CDH7: variants seen among roughly 807,000 people sequenced by gnomAD.
CDH7 encodes cadherin-7.
Under a neutral mutation model 71.8 loss-of-function variants are expected in CDH7, and 25 were observed. That is an observed-to-expected ratio of 0.35 (90% CI 0.25 to 0.49). CDH7 has a LOEUF of 0.49. CDH7 is among the 20% of genes least tolerant of loss of function. CDH7 has a pLI of 0.99. For missense variants in CDH7, 862 were observed against 974.6 expected (o/e 0.88, Z 1.54); for synonymous variants, 381 against 363.8 (o/e 1.05, Z -0.54).
At chr18:65,853,914 T>TATATATATATATATATATCC (rs1913238781) in intron 7 of CDH7, among the ~76,000 whole-genome samples, 15 of 47,780 alleles carry the variant, frequency 3.1e-4, no homozygotes, top group African/African-American at 2.0e-3. Flanking sequence ...ACCATATATA[T>TATATATATATATATATATCC]ATATATATAT....
intron 7 of CDH7, among the ~76,000 whole-genome samples, chr18:65,849,339 TTTTTCTTTTCTTTTC>T (rs71167161): frequency 0.028 from 2,317 of 82,220 alleles, 43 homozygotes; most frequent in African/African-American, 0.042. Flanking sequence ...TAGCCTTTCC[TTTTTCTTTTCTTTTC>T]TTTTCTTTTC....
At chr18:65,781,794 C>CTTTCTTTCTCT (rs1910215781) in intron 2 of CDH7, among the ~76,000 whole-genome samples, 1 of 72,380 alleles carries the variant, frequency 1.4e-5, no homozygotes, top group African/African-American at 9.2e-5. Flanking sequence ...TTCCTTCCTT[C>CTTTCTTTCTCT]CTTCCTTCCT....
At chr18:65,829,340 G>A (rs796185932) in intron 6 of CDH7, among the ~76,000 whole-genome samples, 3 of 151,764 alleles carry the variant, frequency 2.0e-5, no homozygotes, top group Non-Finnish European at 4.4e-5. Context: ...GGATGGTCTC[G>A]ATCTCCTGAA....
chr18:65,828,558 G>A (rs1912216929), intron 6 of CDH7, among the ~76,000 whole-genome samples: 1 of 152,060 alleles, frequency 6.6e-6, no homozygotes, highest in African/African-American at 2.4e-5. Context: ...GACTGTTTAT[G>A]TGTTAATAGA....
At chr18:65,821,171 C>A (rs1242675179) in intron 4 of CDH7, among the ~76,000 whole-genome samples, 1 of 151,452 alleles carries the variant, frequency 6.6e-6, no homozygotes, top group East Asian at 1.9e-4. Context: ...GGAGATATGT[C>A]CCAGAACTCT....
intron 2 of CDH7, among the ~76,000 whole-genome samples, chr18:65,792,459 G>C (rs1440016409): frequency 6.6e-6 from 1 of 152,040 alleles, no homozygotes; most frequent in Admixed American, 6.6e-5. Context: ...CCACCCTAGG[G>C]CTGCGTGTTA....
chr18:65,766,115 T>C (rs1916356797), intron 2 of CDH7, among the ~76,000 whole-genome samples: 1 of 152,190 alleles, frequency 6.6e-6, no homozygotes, highest in East Asian at 1.9e-4. Flanking sequence ...CAGTTAATTA[T>C]AGGAATGTCT....
Position 65,887,265 on chromosome 18 carries a change from T to G in CDH7, c.*6371T>G, listed in dbSNP as rs1040401140. 5 of 152,056 alleles carry G rather than the reference T, an allele frequency of 3.3e-5. No individual in the cohort carries two copies. The highest frequency in any genetic ancestry group is 5.9e-5 in the Non-Finnish European group (4 of 68,006). 9.4% of individuals were successfully genotyped at this position (152,056 alleles called of 1,614,324 possible). On this transcript the variant is annotated 3_prime_UTR_variant, in exon 12 of 12. Coordinates refer to ENST00000397968, the MANE Select transcript of CDH7 (RefSeq NM_004361.5). ...CCAATACTTTAAGAACAATCAAGTT[T>G]TTTTATTATTATTATTATACTTTAA...
In CDH7 at chr18:65,883,450, G is replaced by A. The variant is rs1914287860; in HGVS notation, c.*2556G>A. On this transcript the variant is annotated 3_prime_UTR_variant, in exon 12 of 12. Transcript: ENST00000397968. ...TTGTTTTAAAAACAGTGATTGAAGA[G>A]CTGATTGATAAAATTAATATTAAGT... 6.6e-6 allele frequency: 1 copy of A among 151,886 alleles called. No individual in the cohort carries two copies. The highest frequency in any genetic ancestry group is 2.4e-5 in the African/African-American group (1 of 41,378). The allele number at this position is 151,886 out of a possible 1,614,324, so 9.4% of individuals were successfully genotyped here.
chr18:65,794,697 A>G (rs1910844266), intron 2 of CDH7, among the ~76,000 whole-genome samples: 1 of 151,974 alleles, frequency 6.6e-6, no homozygotes, highest in Non-Finnish European at 1.5e-5. Context: ...AGCTCTTCTA[A>G]GTCATCTCTT....
At chr18:65,784,269 G>A (rs1336884671) in intron 2 of CDH7, among the ~76,000 whole-genome samples, 2 of 151,950 alleles carry the variant, frequency 1.3e-5, no homozygotes, top group East Asian at 1.9e-4. Flanking sequence ...TTTTTAAAAG[G>A]GTGGTCAGCT....
intron 3 of CDH7, among the ~76,000 whole-genome samples, chr18:65,812,106 C>T (rs1392130723): frequency 6.6e-6 from 1 of 151,350 alleles, no homozygotes; most frequent in Admixed American, 6.6e-5. Context: ...GTAGCTGGGA[C>T]TACAGGTGCG....
At chr18:65,780,272 G>A (rs1292362387) in intron 2 of CDH7, among the ~76,000 whole-genome samples, 1 of 117,004 alleles carries the variant, frequency 8.5e-6, no homozygotes, top group Non-Finnish European at 1.7e-5. Context: ...CACTCTGATG[G>A]TAGTTTCTTT....
At chr18:65,782,637 A>T (rs1910356052) in intron 2 of CDH7, among the ~76,000 whole-genome samples, 1 of 152,200 alleles carries the variant, frequency 6.6e-6, no homozygotes, top group African/African-American at 2.4e-5. Context: ...TCTTAGGGGA[A>T]ATACAAGATT....
intron 2 of CDH7, among the ~76,000 whole-genome samples, chr18:65,802,635 C>T (rs1306078106): frequency 1.3e-5 from 2 of 152,126 alleles, no homozygotes; most frequent in East Asian, 1.9e-4. Flanking sequence ...TCCTATCCGG[C>T]GAGCCCTCAA....
At chr18:65,824,007 AT>A (rs2143941453) in intron 5 of CDH7, among the ~76,000 whole-genome samples, 1 of 148,406 alleles carries the variant, frequency 6.7e-6, no homozygotes, top group South Asian at 2.1e-4. Context: ...TAAACCAAAA[AT>A]TTTAGAAGTT....
chr18:65,860,445 A>C (rs1913523808), intron 10 of CDH7, among the ~76,000 whole-genome samples: 1 of 152,156 alleles, frequency 6.6e-6, no homozygotes, highest in Non-Finnish European at 1.5e-5. Flanking sequence ...AAAAAAACTT[A>C]CAAATACCTA....
chr18:65,760,530 G>C (rs1916160558), intron 1 of CDH7, among the ~76,000 whole-genome samples: 2 of 152,102 alleles, frequency 1.3e-5, no homozygotes, highest in Non-Finnish European at 1.5e-5. Flanking sequence ...TTGCTCTATT[G>C]CATCTAAAAA....
intron 5 of CDH7, among the ~76,000 whole-genome samples, chr18:65,823,129 CAAGT>C (rs1344777033): frequency 1.3e-5 from 2 of 151,876 alleles, no homozygotes; most frequent in Non-Finnish European, 2.9e-5. Context: ...TGAGCAAATA[CAAGT>C]GTCACTGTTT....
Sources: gnomAD v4.1 joint callset for allele counts (sites outside exome capture counted in the v4.1 genomes callset) on GRCh38, gnomAD v4.1.1 for gene constraint, MANE v1.5 for transcripts, NCBI Gene and HGNC (gene_info 2026-07-23, HGNC 2026-07-21) for gene names.